TBC1D5: variants seen among roughly 807,000 people sequenced by gnomAD.
TBC1D5 encodes TBC1 domain family member 5.
A neutral mutation model predicts 100.3 loss-of-function variants in TBC1D5; 75 were observed. The ratio of observed to expected loss-of-function variants is 0.75; its 90% CI spans 0.62 to 0.91. The LOEUF is 0.91. TBC1D5 is among the 40% of genes least tolerant of loss of function. TBC1D5 has a pLI of 0.00. For missense variants in TBC1D5, 910 were observed against 942.4 expected (o/e 0.97, Z 0.45); for synonymous variants, 323 against 325.6 (o/e 0.99, Z 0.09).
At chr3:17,683,612 G>A (rs147584035) in intron 1 of TBC1D5, among the ~76,000 whole-genome samples, 73 of 152,172 alleles carry the variant, frequency 4.8e-4, no homozygotes, top group African/African-American at 1.6e-3. Flanking sequence ...TAAAAACTAC[G>A]GAGTACTATC....
At chr3:17,379,700 T>C (rs1198733953) in intron 9 of TBC1D5, among the ~76,000 whole-genome samples, 1 of 151,958 alleles carries the variant, frequency 6.6e-6, no homozygotes, top group African/African-American at 2.4e-5. Flanking sequence ...AAACTGTAAA[T>C]AGTACTGAAA....
At chr3:17,699,644 T>C (rs1282638217) in intron 1 of TBC1D5, among the ~76,000 whole-genome samples, 2 of 119,030 alleles carry the variant, frequency 1.7e-5, no homozygotes, top group Admixed American at 9.3e-5. Flanking sequence ...ATAAAAATCA[T>C]CAGTTATTGT....
intron 2 of TBC1D5, among the ~76,000 whole-genome samples, chr3:17,561,600 A>G (rs1324717331): frequency 1.3e-5 from 2 of 152,188 alleles, no homozygotes; most frequent in Non-Finnish European, 2.9e-5. Context: ...GAAAAATAAT[A>G]TAATACCAGG....
At chr3:17,454,774 AT>A (rs1461190626) in intron 3 of TBC1D5, among the ~76,000 whole-genome samples, 1 of 152,134 alleles carries the variant, frequency 6.6e-6, no homozygotes, top group Non-Finnish European at 1.5e-5. Flanking sequence ...AATCAGTAGC[AT>A]TTCTATATGC....
At chr3:17,238,311 G>A (rs1264145625) in exon 17 of TBC1D5, 18 of 1,613,974 alleles carry the variant, frequency 1.1e-5, no homozygotes, top group Non-Finnish European at 1.4e-5. Context: ...CAGGTACAGG[G>A]CCACCTGCAC....
intron 3 of TBC1D5, among the ~76,000 whole-genome samples, chr3:17,505,070 A>T (rs745679744): frequency 6.6e-6 from 1 of 152,234 alleles, no homozygotes; most frequent in African/African-American, 2.4e-5. Context: ...TTAAGTTGCC[A>T]AATATTTTAT....
chr3:17,280,137 C>T (rs1336949826), intron 15 of TBC1D5, among the ~76,000 whole-genome samples: 1 of 152,100 alleles, frequency 6.6e-6, no homozygotes, highest in Non-Finnish European at 1.5e-5. Flanking sequence ...CACGGAAAGA[C>T]AGACAATAGA....
chr3:17,598,387 G>C (rs2060711826), intron 2 of TBC1D5, among the ~76,000 whole-genome samples: 1 of 152,120 alleles, frequency 6.6e-6, no homozygotes, highest in Non-Finnish European at 1.5e-5. Flanking sequence ...AATTATTTTG[G>C]ATTAAATGGG....
intron 3 of TBC1D5, among the ~76,000 whole-genome samples, chr3:17,450,549 T>TA (rs1248613719): frequency 2.6e-5 from 4 of 152,090 alleles, no homozygotes; most frequent in African/African-American, 9.7e-5. Flanking sequence ...AATGACCCGA[T>TA]AGAGCTAAAA....
chr3:17,708,289 T>C (rs2074378206), intron 1 of TBC1D5, among the ~76,000 whole-genome samples: 1 of 152,274 alleles, frequency 6.6e-6, no homozygotes, highest in Non-Finnish European at 1.5e-5. Flanking sequence ...TCTATCGATC[T>C]ACTTTGTTCC....
At chr3:17,224,942 C>T (rs933599722) in intron 17 of TBC1D5, among the ~76,000 whole-genome samples, 4 of 152,130 alleles carry the variant, frequency 2.6e-5, no homozygotes, top group African/African-American at 4.8e-5. Context: ...CCACATCTCA[C>T]ATTAAAAACA....
chr3:17,181,870 T>C (rs764903007), intron 19 of TBC1D5, among the ~76,000 whole-genome samples: 2 of 152,224 alleles, frequency 1.3e-5, no homozygotes, highest in Non-Finnish European at 2.9e-5. Context: ...ATCACTAATA[T>C]CTACTTATAT....
chr3:17,728,040 A>G (rs1287796204), intron 1 of TBC1D5, among the ~76,000 whole-genome samples: 1 of 152,204 alleles, frequency 6.6e-6, no homozygotes, highest in African/African-American at 2.4e-5. Context: ...GGAAAATATA[A>G]CTATGTCAAG....
chr3:17,698,059 A>T lies in TBC1D5; in HGVS notation c.-101+41284T>A, dbSNP rs1332129681. 3.3e-5 allele frequency among the ~76,000 whole-genome samples: 5 copies of T among 152,078 alleles called. No homozygotes were observed. In the East Asian group the frequency reaches 5.8e-4, roughly 18 times the overall value. Reference sequence around the variant, plus strand: ...AAAAACTACTTTCAAGTTCATATGGAACCAAAAAAGAGCCCACATTGCCAA... The same window carrying T: ...AAAAACTACTTTCAAGTTCATATGGTACCAAAAAAGAGCCCACATTGCCAA... On this transcript the variant is annotated intron_variant, in intron 1 of 21. Transcript: ENST00000253692.
chr3:17,182,984 A>G (rs182831494), intron 19 of TBC1D5, among the ~76,000 whole-genome samples: 180 of 151,918 alleles, frequency 1.2e-3, no homozygotes, highest in African/African-American at 4.0e-3. Context: ...GACACTCCCT[A>G]CAGGGCAAGC....
In TBC1D5 at chr3:17,705,541, G is replaced by C. The variant is rs534186578; in HGVS notation, c.-101+33802C>G. On this transcript the variant is annotated intron_variant, in intron 1 of 21. Transcript: ENST00000253692. Reference sequence around the variant, plus strand: ...TCCTCACTTCTCAGACGGGGCGGCCGGGCAGAGACGCTCCTCACCTCCCAG... The same window carrying C: ...TCCTCACTTCTCAGACGGGGCGGCCCGGCAGAGACGCTCCTCACCTCCCAG... Among the ~76,000 whole-genome samples the C allele has an allele frequency of 9.0e-5, 13 of 145,212 alleles. No homozygotes were observed. The East Asian group carries it at 2.6e-3, about 29-fold the overall frequency.
intron 2 of TBC1D5, among the ~76,000 whole-genome samples, chr3:17,562,979 G>A (rs2096569337): frequency 6.6e-6 from 1 of 152,168 alleles, no homozygotes. Context: ...ACTTAAAAGT[G>A]TAAGGTTTGT....
intron 2 of TBC1D5, among the ~76,000 whole-genome samples, chr3:17,594,721 T>C (rs1297359814): frequency 6.6e-6 from 1 of 152,254 alleles, no homozygotes; most frequent in Non-Finnish European, 1.5e-5. Flanking sequence ...GATTGGTGCA[T>C]TTCCAGTTGT....
At chr3:17,559,124 A>AT (rs1170752232) in intron 2 of TBC1D5, among the ~76,000 whole-genome samples, 2 of 151,268 alleles carry the variant, frequency 1.3e-5, no homozygotes, top group African/African-American at 4.9e-5. Context: ...ATAAGACTTC[A>AT]TTTTTAATAG....
Sources: gnomAD v4.1 joint callset for allele counts (sites outside exome capture counted in the v4.1 genomes callset) on GRCh38, gnomAD v4.1.1 for gene constraint, MANE v1.5 for transcripts, NCBI Gene and HGNC (gene_info 2026-07-23, HGNC 2026-07-21) for gene names.